SGCE: variants seen among roughly 807,000 people sequenced by gnomAD.
SGCE encodes epsilon-sarcoglycan.
SGCE carries 26 observed loss-of-function variants against 57.8 expected under a neutral mutation model. That is an observed-to-expected ratio of 0.45 (90% CI 0.33 to 0.62). SGCE has a LOEUF of 0.62. SGCE is among the 20% of genes least tolerant of loss of function. SGCE has a pLI of 0.02. For synonymous variants in SGCE, 183 were observed against 189.5 expected (o/e 0.97, Z 0.28); for missense variants, 468 against 548.6 (o/e 0.85, Z 1.47).
intron 1 of SGCE, among the ~76,000 whole-genome samples, chr7:94,653,323 T>C (rs1808148562): frequency 6.6e-6 from 1 of 152,162 alleles, no homozygotes; most frequent in African/African-American, 2.4e-5. Context: ...GCTTCGTAGA[T>C]CTACAGCAAA....
chr7:94,619,126 A>G, intron 4 of SGCE, 170 bp from the exon 5 acceptor site: 1 of 619,876 alleles, frequency 1.6e-6, no homozygotes, highest in East Asian at 2.8e-5. Flanking sequence ...ATCTAAAAAC[A>G]TAACTGACAT....
At chr7:94,612,385 A>G (rs1801173127) in intron 5 of SGCE, among the ~76,000 whole-genome samples, 1 of 152,194 alleles carries the variant, frequency 6.6e-6, no homozygotes, top group Admixed American at 6.6e-5. Context: ...TATTTTTCAA[A>G]TGCATATATT....
chr7:94,605,523 CAA>C (rs1306387795), intron 5 of SGCE, among the ~76,000 whole-genome samples: 13 of 150,798 alleles, frequency 8.6e-5, no homozygotes, highest in African/African-American at 3.2e-4. Context: ...AGCAATGATA[CAA>C]GAGAGATGAG....
In SGCE at chr7:94,628,307, T is replaced by C. The variant is rs1562864316; in HGVS notation, c.285A>G (p.Pro95=). Residue 95 remains proline (P), a synonymous_variant, in exon 3 of 11, where the codon CCA becomes CCG. Coordinates refer to ENST00000648936, the MANE Select transcript of SGCE (RefSeq NM_003919.3). ...ITFNTNLMGY[P]DRPGWLRYIQ... ...TATATCGAAGCCATCCAGGTCGGTC[T>C]GGGTAACCCATTAAATTTGTATTAA... 6.2e-7 allele frequency: 1 copy of C among 1,611,730 alleles called. No individual in the cohort carries two copies. Among genetic ancestry groups the C allele is most frequent in the Admixed American group, 1.7e-5 (1 of 59,726 alleles).
chr7:94,648,503 C>G (rs1212400727), intron 1 of SGCE, among the ~76,000 whole-genome samples: 1 of 151,952 alleles, frequency 6.6e-6, no homozygotes, highest in Non-Finnish European at 1.5e-5. Flanking sequence ...GCACCTTCAC[C>G]ATTATATCTC....
chr7:94,644,048 T>C (rs1806739411), intron 1 of SGCE, among the ~76,000 whole-genome samples: 1 of 152,238 alleles, frequency 6.6e-6, no homozygotes, highest in Admixed American at 6.5e-5. Context: ...ACCAGGTTCA[T>C]GGTAATCTAC....
chr7:94,607,911 G>A (rs904707714), intron 5 of SGCE, among the ~76,000 whole-genome samples: 1 of 152,178 alleles, frequency 6.6e-6, no homozygotes, highest in Admixed American at 6.5e-5. Context: ...TTACAGCAAC[G>A]TTGCAGGAAT....
intron 1 of SGCE, among the ~76,000 whole-genome samples, chr7:94,652,189 A>G (rs757462984): frequency 1.3e-5 from 2 of 152,176 alleles, no homozygotes; most frequent in Non-Finnish European, 2.9e-5. Context: ...CTCCAGCCCA[A>G]GAATTTCTAA....
At chr7:94,650,340 G>A (rs1262927232) in intron 1 of SGCE, among the ~76,000 whole-genome samples, 4 of 152,098 alleles carry the variant, frequency 2.6e-5, no homozygotes, top group East Asian at 1.9e-4. Flanking sequence ...AGGTACCCTC[G>A]GCATCCACGG....
intron 5 of SGCE, among the ~76,000 whole-genome samples, chr7:94,607,516 A>C (rs1330611221): frequency 3.9e-5 from 6 of 152,194 alleles, no homozygotes; most frequent in Non-Finnish European, 8.8e-5. Flanking sequence ...AAATCAGTTA[A>C]TATCACATCA....
At chr7:94,614,585 G>C (rs1341430249) in intron 5 of SGCE, among the ~76,000 whole-genome samples, 2 of 151,974 alleles carry the variant, frequency 1.3e-5, no homozygotes, top group Admixed American at 6.6e-5. Context: ...CCTGCATAGC[G>C]TTCCCATTTC....
At chr7:94,652,958 ATATATTTTCT>A (rs1808108079) in intron 1 of SGCE, among the ~76,000 whole-genome samples, 1 of 152,200 alleles carries the variant, frequency 6.6e-6, no homozygotes, top group Non-Finnish European at 1.5e-5. Context: ...TTGCTTAGAA[ATATATTTTCT>A]CTATATTAGA....
At chr7:94,643,246 T>C (rs1168431913) in intron 1 of SGCE, among the ~76,000 whole-genome samples, 1 of 152,242 alleles carries the variant, frequency 6.6e-6, no homozygotes, top group Non-Finnish European at 1.5e-5. Flanking sequence ...AGAATCCTAC[T>C]AACCCAGCAT....
intron 10 of SGCE, among the ~76,000 whole-genome samples, chr7:94,585,962 A>G (rs1796829152): frequency 2.1e-5 from 3 of 144,584 alleles, no homozygotes; most frequent in South Asian, 2.3e-4. Context: ...TAACTGCTCT[A>G]TTATCCCAGC....
At chr7:94,618,024 A>G (rs1252694919) in intron 5 of SGCE, 1 of 152,250 alleles carries the variant, frequency 6.6e-6, no homozygotes, top group Non-Finnish European at 1.5e-5. Context: ...GCCTCAACCT[A>G]CAGATTAAAA....
chr7:94,647,266 G>A (rs1169633166), intron 1 of SGCE, among the ~76,000 whole-genome samples: 2 of 152,062 alleles, frequency 1.3e-5, no homozygotes, highest in Non-Finnish European at 2.9e-5. Context: ...CTGTCCTCAT[G>A]TAGATGACAG....
Position 94,628,276 on chromosome 7 carries a change from T to G in SGCE, c.316A>C (p.Arg106=). 1 of 1,611,874 alleles carries G rather than the reference T, an allele frequency of 6.2e-7. No individual in the cohort carries two copies. The highest frequency in any genetic ancestry group is 8.5e-7 in the Non-Finnish European group (1 of 1,178,530). The part of the protein sequence containing the change: ...DRPGWLRYIQ[R]TPYSDGVLYG... The stretch of plus-strand genomic sequence containing the variant: ...AGGACTCCATCACTATATGGTGTCC[T>G]TTGGATATATCGAAGCCATCCAGGT... Residue 106 remains arginine, a synonymous_variant, in exon 3 of 11, where the codon AGG becomes CGG. Coordinates refer to ENST00000648936, the MANE Select transcript of SGCE (RefSeq NM_003919.3).
intron 3 of SGCE, 130 bp downstream of exon 3, chr7:94,628,072 T>C (rs766885252): frequency 5.8e-6 from 4 of 687,628 alleles, no homozygotes; most frequent in Non-Finnish European, 1.0e-5. Flanking sequence ...TGTGTTTCCA[T>C]GCACAAAATA....
At chr7:94,608,574 CT>C (rs1159441198) in intron 5 of SGCE, among the ~76,000 whole-genome samples, 9 of 152,036 alleles carry the variant, frequency 5.9e-5, no homozygotes, top group Admixed American at 5.9e-4. Context: ...CAAACTTATT[CT>C]AAAGTTTATA....
Sources: allele counts gnomAD v4.1 joint callset (sites outside exome capture counted in the v4.1 genomes callset), GRCh38; gene constraint gnomAD v4.1.1; transcripts MANE v1.5; gene names NCBI Gene and HGNC (gene_info 2026-07-23, HGNC 2026-07-21).